SLC10A7: variants seen among roughly 807,000 people sequenced by gnomAD.
SLC10A7 encodes sodium/bile acid cotransporter 7.
A neutral mutation model predicts 43.2 loss-of-function variants in SLC10A7; 29 were observed. The ratio of observed to expected loss-of-function variants is 0.67; its 90% CI spans 0.50 to 0.92. The LOEUF is 0.92. Ranked by LOEUF, SLC10A7 falls within the 40% of genes least tolerant of loss-of-function variation. SLC10A7 has a pLI of 0.00. For synonymous variants in SLC10A7, 152 were observed against 144.8 expected (o/e 1.05, Z -0.35); for missense variants, 295 against 403.2 (o/e 0.73, Z 2.30).
At chr4:146,285,876 A>C (rs1343462892) in intron 9 of SLC10A7, among the ~76,000 whole-genome samples, 1 of 149,710 alleles carries the variant, frequency 6.7e-6, no homozygotes, top group Non-Finnish European at 1.5e-5. Flanking sequence ...CTGAACTTGG[A>C]GAGGTGAGAA....
chr4:146,419,424 T>C (rs1158677235), intron 5 of SLC10A7, among the ~76,000 whole-genome samples: 1 of 152,232 alleles, frequency 6.6e-6, no homozygotes, highest in African/African-American at 2.4e-5. Flanking sequence ...ATTTCACTAA[T>C]TTAATTTTAG....
intron 10 of SLC10A7, among the ~76,000 whole-genome samples, chr4:146,272,579 G>A (rs1728962817): frequency 6.6e-6 from 1 of 152,124 alleles, no homozygotes; most frequent in African/African-American, 2.4e-5. Context: ...GGTTTCTAGT[G>A]TCTGGTTCAA....
At chr4:146,412,133 A>G (rs1410253705) in intron 5 of SLC10A7, among the ~76,000 whole-genome samples, 1 of 146,038 alleles carries the variant, frequency 6.8e-6, no homozygotes, top group Non-Finnish European at 1.5e-5. Context: ...GTTGTCTTTT[A>G]TCTTCACTCT....
intron 5 of SLC10A7, among the ~76,000 whole-genome samples, chr4:146,364,908 C>A (rs1357170108): frequency 6.6e-6 from 1 of 151,934 alleles, no homozygotes; most frequent in African/African-American, 2.4e-5. Flanking sequence ...TATATACAAC[C>A]ACTACATATC....
At chr4:146,380,108 A>G (rs534073429) in intron 5 of SLC10A7, among the ~76,000 whole-genome samples, 1 of 152,256 alleles carries the variant, frequency 6.6e-6, no homozygotes, top group South Asian at 2.1e-4. Context: ...TTTCAGATCC[A>G]AATATATAAC....
chr4:146,380,852 A>T (rs1002329183), intron 5 of SLC10A7, among the ~76,000 whole-genome samples: 6 of 152,176 alleles, frequency 3.9e-5, no homozygotes, highest in African/African-American at 1.4e-4. Flanking sequence ...ATTAGTTGGT[A>T]CGATGTTTAT....
intron 5 of SLC10A7, among the ~76,000 whole-genome samples, chr4:146,367,223 CA>C (rs1736456764): frequency 1.3e-5 from 2 of 151,968 alleles, no homozygotes; most frequent in Admixed American, 1.3e-4. Flanking sequence ...AACTAAAACC[CA>C]GAGCCCAAAA....
At chr4:146,446,140 G>T (rs1436263287) in intron 4 of SLC10A7, among the ~76,000 whole-genome samples, 1 of 152,050 alleles carries the variant, frequency 6.6e-6, no homozygotes, top group Non-Finnish European at 1.5e-5. Flanking sequence ...TCACTTCCAA[G>T]AAGTTTTCAA....
chr4:146,261,933 A>G (rs900545476), intron 10 of SLC10A7, among the ~76,000 whole-genome samples: 4 of 152,112 alleles, frequency 2.6e-5, no homozygotes, highest in African/African-American at 9.7e-5. Flanking sequence ...TTGTTTTAGG[A>G]AACTTTATTT....
intron 5 of SLC10A7, among the ~76,000 whole-genome samples, chr4:146,410,834 T>C (rs1173039816): frequency 1.3e-5 from 2 of 152,146 alleles, no homozygotes; most frequent in African/African-American, 2.4e-5. Flanking sequence ...TCTTCACCTT[T>C]ATTTATGTAT....
chr4:146,308,069 T>C (rs535136521), intron 6 of SLC10A7, among the ~76,000 whole-genome samples: 1 of 152,224 alleles, frequency 6.6e-6, no homozygotes, highest in South Asian at 2.1e-4. Flanking sequence ...CCCTTTTTCC[T>C]CTAAAATGCT....
chr4:146,404,280 A>C (rs1047515254), intron 5 of SLC10A7, among the ~76,000 whole-genome samples: 6 of 152,124 alleles, frequency 3.9e-5, no homozygotes, highest in African/African-American at 1.4e-4. Flanking sequence ...TCGGCCGCCC[A>C]AAGTGCTGAG....
chr4:146,277,040 G>A (rs776349644), intron 10 of SLC10A7, among the ~76,000 whole-genome samples: 1 of 152,178 alleles, frequency 6.6e-6, no homozygotes, highest in African/African-American at 2.4e-5. Flanking sequence ...TTCTCGCTAA[G>A]CAAGCTATAA....
intron 4 of SLC10A7, among the ~76,000 whole-genome samples, chr4:146,468,156 T>C (rs974722336): frequency 6.6e-6 from 1 of 152,186 alleles, no homozygotes; most frequent in Non-Finnish European, 1.5e-5. Flanking sequence ...ATCTCAATAA[T>C]GGGCATAATA....
chr4:146,467,454 AACACACACACACACACACACAC>A (rs35773390), intron 4 of SLC10A7, among the ~76,000 whole-genome samples: 1 of 140,728 alleles, frequency 7.1e-6, no homozygotes, highest in Non-Finnish European at 1.5e-5. Flanking sequence ...AGCAGGTTTA[AACACACACACACACACACACAC>A]ACACACACAC....
In SLC10A7 at chr4:146,399,276, G is replaced by A. The variant is rs1739052784; in HGVS notation, c.435+43507C>T. On this transcript the variant is annotated intron_variant, in intron 5 of 11. Coordinates refer to ENST00000335472, the MANE Select transcript of SLC10A7 (RefSeq NM_001029998.6). Reference sequence around the variant, plus strand: ...CTGACTGTGGAGGGTGTAGCATAAGGTGGAGCCACAGAGGAAGGGCGAGCT... The same window carrying A: ...CTGACTGTGGAGGGTGTAGCATAAGATGGAGCCACAGAGGAAGGGCGAGCT... Among the ~76,000 whole-genome samples the A allele has an allele frequency of 2.6e-5, 4 of 152,166 alleles. No individual in the cohort carries two copies. In the South Asian group the frequency reaches 8.3e-4, roughly 32 times the overall value.
intron 5 of SLC10A7, among the ~76,000 whole-genome samples, chr4:146,399,677 G>A (rs1739087574): frequency 6.6e-6 from 1 of 152,122 alleles, no homozygotes; most frequent in Non-Finnish European, 1.5e-5. Context: ...TACGGGGAGG[G>A]GAAGACAATG....
At chr4:146,399,167 A>C (rs926549774) in intron 5 of SLC10A7, among the ~76,000 whole-genome samples, 2 of 152,104 alleles carry the variant, frequency 1.3e-5, no homozygotes, top group Admixed American at 6.6e-5. Context: ...TGTTCTAGAC[A>C]CAGGGGGTGG....
At chr4:146,454,648 T>A (rs925928936) in intron 4 of SLC10A7, among the ~76,000 whole-genome samples, 4 of 151,940 alleles carry the variant, frequency 2.6e-5, no homozygotes, top group Admixed American at 2.0e-4. Context: ...GTTAAGAATT[T>A]TAGAGGCTCT....
Sources: gnomAD v4.1 joint callset for allele counts (sites outside exome capture counted in the v4.1 genomes callset) on GRCh38, gnomAD v4.1.1 for gene constraint, MANE v1.5 for transcripts, NCBI Gene and HGNC (gene_info 2026-07-23, HGNC 2026-07-21) for gene names.